The following KCNIP4 variants were observed in gnomAD, a reference collection of about 807,000 sequenced individuals.
KCNIP4 encodes the protein Kv channel-interacting protein 4.
A neutral mutation model predicts 34.0 loss-of-function variants in KCNIP4; 12 were observed. The observed-to-expected ratio is 0.35, with a 90% CI of 0.23 to 0.57. The LOEUF is 0.57. Ranked by LOEUF, KCNIP4 falls within the 20% of genes least tolerant of loss-of-function variation. The pLI is 0.83. For synonymous variants in KCNIP4, 124 were observed against 102.2 expected, an observed-to-expected ratio of 1.21 and a Z score of -1.29; for missense variants, 238 against 311.7, an observed-to-expected ratio of 0.76 and a Z score of 1.78.
At chr4:21,925,177 G>A (rs1260106900) in intron 1 of KCNIP4, among the ~76,000 whole-genome samples, 1 of 151,840 alleles carries the variant, frequency 6.6e-6, no homozygotes, top group Admixed American at 6.6e-5. Flanking sequence ...TTAGTGTGCT[G>A]CACCCATTAA....
intron 1 of KCNIP4, among the ~76,000 whole-genome samples, chr4:21,063,534 C>A (rs189339116): frequency 6.6e-6 from 1 of 152,196 alleles, no homozygotes; most frequent in African/African-American, 2.4e-5. Context: ...ATGATAAATA[C>A]CACTGAGCAG....
intron 1 of KCNIP4, among the ~76,000 whole-genome samples, chr4:21,017,748 G>C (rs2149742523): frequency 6.6e-6 from 1 of 152,180 alleles, no homozygotes; most frequent in South Asian, 2.1e-4. Flanking sequence ...CCAGTTCTAG[G>C]TCTTTGAAGA....
At chr4:20,925,696 C>G (rs1435642520) in intron 1 of KCNIP4, among the ~76,000 whole-genome samples, 1 of 152,120 alleles carries the variant, frequency 6.6e-6, no homozygotes, top group African/African-American at 2.4e-5. Flanking sequence ...CTCTTGGGGT[C>G]TGGATTGGGA....
In KCNIP4 at chr4:21,589,290, ATATG is replaced by A. The variant is rs1741966071; in HGVS notation, c.61+359277_61+359280del. ...GATACATATATGTATAGATACATAT[ATATG>A]TGTATAGATACATATATACATGTAC... On this transcript the variant is annotated intron_variant, in intron 1 of 8. Coordinates refer to ENST00000382152, the MANE Select transcript of KCNIP4 (RefSeq NM_025221.6). Among the ~76,000 whole-genome samples the A allele has an allele frequency of 4.9e-5, 7 of 141,936 alleles. No homozygotes were observed. In the South Asian group the frequency reaches 1.1e-3, roughly 23 times the overall value. 93.1% of individuals were successfully genotyped at this position (141,936 alleles called of 152,430 possible).
At position 21,849,282 on chromosome 4, in the gene KCNIP4, T is replaced by C. The variant is rs1373200324; in HGVS notation, c.61+99289A>G. The C allele has an allele frequency of 2.6e-5, 4 of 152,276 alleles. No homozygotes were observed. In the East Asian group the frequency reaches 7.7e-4, roughly 29 times the overall value. The allele number at this position is 152,276 out of a possible 1,614,324, so 9.4% of individuals were successfully genotyped here. A position where few individuals can be genotyped will look rare whatever the true frequency, so the allele number is the denominator to read the frequency against. Reference sequence around the variant, plus strand: ...AGAGTGCTTATGGCAATATCAATTATGCACATCTTGAAAGGGGGCATTATA... The same window carrying C: ...AGAGTGCTTATGGCAATATCAATTACGCACATCTTGAAAGGGGGCATTATA... On this transcript the variant is annotated intron_variant, in intron 1 of 8. Coordinates refer to ENST00000382152, the MANE Select transcript of KCNIP4 (RefSeq NM_025221.6).
In KCNIP4 at chr4:21,636,435, G is replaced by C. The variant is rs372202895; in HGVS notation, c.61+312136C>G. On this transcript the variant is annotated intron_variant, in intron 1 of 8. Transcript: ENST00000382152. ...GAAAATCTTGAAAGAAATGACTTATGCATAAGTATTTAATAGTTTTCCTAT... is the reference window on the plus strand; with the variant it reads ...GAAAATCTTGAAAGAAATGACTTATCCATAAGTATTTAATAGTTTTCCTAT... Among the ~76,000 whole-genome samples, 196 of 152,186 alleles carry C rather than the reference G, an allele frequency of 1.3e-3. 7 individuals carry two copies. The South Asian group carries it at 0.035, about 27-fold the overall frequency.
At chr4:21,719,675 A>C (rs184472733) in intron 1 of KCNIP4, among the ~76,000 whole-genome samples, 2 of 152,226 alleles carry the variant, frequency 1.3e-5, no homozygotes, top group African/African-American at 4.8e-5. Context: ...AAGAAGAAAC[A>C]ATAGGGGCCA....
In KCNIP4 at chr4:20,881,840, G is replaced by T. The variant is rs545143244; in HGVS notation, c.163+768C>A. ...GCATAGATTACCCTGAATAATGTGG[G>T]TGGGCCTCATCTAATCAGTTGAGGC... On this transcript the variant is annotated intron_variant, in intron 2 of 8. Transcript: ENST00000382152. 3.3e-5 allele frequency among the ~76,000 whole-genome samples: 5 copies of T among 152,230 alleles called. No individual in the cohort carries two copies. The South Asian group carries it at 1.0e-3, about 32-fold the overall frequency.
At chr4:21,442,860 C>T (rs1023732928) in intron 1 of KCNIP4, among the ~76,000 whole-genome samples, 1 of 152,180 alleles carries the variant, frequency 6.6e-6, no homozygotes, top group Non-Finnish European at 1.5e-5. Flanking sequence ...GGTTCATATT[C>T]AACTGTTCTT....
chr4:20,996,472 C>T (rs886141874), intron 1 of KCNIP4, among the ~76,000 whole-genome samples: 7 of 152,286 alleles, frequency 4.6e-5, no homozygotes, highest in Admixed American at 2.0e-4. Context: ...CATAGTCTTT[C>T]GATTTATTAA....
chr4:21,700,844 T>A (rs1712774478), intron 1 of KCNIP4, among the ~76,000 whole-genome samples: 1 of 152,158 alleles, frequency 6.6e-6, no homozygotes, highest in African/African-American at 2.4e-5. Flanking sequence ...CACTTTTTAT[T>A]GAAGACACTG....
chr4:21,814,511 T>C (rs1052236245), intron 1 of KCNIP4, among the ~76,000 whole-genome samples: 1 of 152,186 alleles, frequency 6.6e-6, no homozygotes, highest in Non-Finnish European at 1.5e-5. Flanking sequence ...TCTTCCACCA[T>C]GATTGTGAGG....
intron 1 of KCNIP4, among the ~76,000 whole-genome samples, chr4:21,810,558 C>T (rs939223330): frequency 2.6e-5 from 4 of 151,932 alleles, no homozygotes; most frequent in African/African-American, 9.7e-5. Flanking sequence ...GGCATAGGGG[C>T]GGGCACCTGT....
intron 1 of KCNIP4, among the ~76,000 whole-genome samples, chr4:21,606,173 G>T (rs1743646314): frequency 1.3e-5 from 2 of 152,126 alleles, no homozygotes; most frequent in South Asian, 4.1e-4. Flanking sequence ...CTCAGAGAAA[G>T]GATATTTCTG....
chr4:21,275,322 A>T (rs1348955452), intron 1 of KCNIP4, among the ~76,000 whole-genome samples: 2 of 152,178 alleles, frequency 1.3e-5, no homozygotes, highest in Non-Finnish European at 2.9e-5. Context: ...ACACCTGGGC[A>T]TCAGTGTTCA....
intron 1 of KCNIP4, among the ~76,000 whole-genome samples, chr4:21,131,541 C>A (rs966414648): frequency 3.3e-5 from 5 of 152,044 alleles, no homozygotes. Flanking sequence ...ACCCGGGAGG[C>A]GGAGCTTGCA....
intron 1 of KCNIP4, among the ~76,000 whole-genome samples, chr4:20,937,480 C>T (rs1490490258): frequency 2.0e-5 from 3 of 150,368 alleles, no homozygotes; most frequent in African/African-American, 7.3e-5. Context: ...GTGATCCACC[C>T]GCCTCGGCCT....
chr4:21,573,495 C>G (rs1015234833), intron 1 of KCNIP4, among the ~76,000 whole-genome samples: 4 of 152,016 alleles, frequency 2.6e-5, no homozygotes, highest in Non-Finnish European at 2.9e-5. Context: ...TAATTCTGTT[C>G]TCGTTCCTTG....
intron 1 of KCNIP4, among the ~76,000 whole-genome samples, chr4:21,516,667 G>A (rs1734790635): frequency 6.6e-6 from 1 of 152,234 alleles, no homozygotes; most frequent in South Asian, 2.1e-4. Context: ...ACCCTGTGGA[G>A]TTGTGTCTGG....
Sources: allele counts gnomAD v4.1 joint callset (sites outside exome capture counted in the v4.1 genomes callset), GRCh38; gene constraint gnomAD v4.1.1; transcripts MANE v1.5; gene names NCBI Gene and HGNC (gene_info 2026-07-23, HGNC 2026-07-21).